SMPDL3A: variants seen among roughly 807,000 people sequenced by gnomAD.
The protein encoded by SMPDL3A is sphingomyelin phosphodiesterase acid like 3A.
SMPDL3A carries 39 observed loss-of-function variants against 38.5 expected under a neutral mutation model. That is an observed-to-expected ratio of 1.01 (90% confidence interval 0.78 to 1.32). SMPDL3A has a LOEUF of 1.32. SMPDL3A is among the 40% of genes most tolerant of loss of function. The pLI is 0.00. For synonymous variants in SMPDL3A, 180 were observed against 194.3 expected (o/e 0.93, Z 0.61); for missense variants, 502 against 536.2 (o/e 0.94, Z 0.63).
chr6:122,803,600 G>A, intron 4 of SMPDL3A, 64 bp from the exon 5 acceptor site: 1 of 1,239,024 alleles, frequency 8.1e-7, no homozygotes. Context: ...TCAGGAATTT[G>A]CTTTCACAAT....
intron 3 of SMPDL3A, 155 bp downstream of exon 3, chr6:122,797,123 G>A: frequency 1.9e-6 from 1 of 534,700 alleles, no homozygotes; most frequent in South Asian, 3.4e-5. Flanking sequence ...GCAAAGACAA[G>A]TACTTCGGGG....
chr6:122,791,844 C>T (rs1393450413), intron 1 of SMPDL3A, among the ~76,000 whole-genome samples: 1 of 152,184 alleles, frequency 6.6e-6, no homozygotes, highest in Non-Finnish European at 1.5e-5. Flanking sequence ...CAGGCGCCCG[C>T]CACCATGCCT....
At chr6:122,799,311 A>G (rs1781348810) in intron 3 of SMPDL3A, among the ~76,000 whole-genome samples, 1 of 152,214 alleles carries the variant, frequency 6.6e-6, no homozygotes, top group South Asian at 2.1e-4. Context: ...GTCACAGCCA[A>G]AAAGGACTGG....
At chr6:122,803,165 C>T (rs573880599) in intron 4 of SMPDL3A, among the ~76,000 whole-genome samples, 6 of 152,052 alleles carry the variant, frequency 3.9e-5, no homozygotes, top group African/African-American at 9.6e-5. Flanking sequence ...GGTTCAGAGG[C>T]GTGGGTGGAA....
chr6:122,795,996 T>C (rs1781237549), intron 2 of SMPDL3A, 106 bp downstream of exon 2: 2 of 830,532 alleles, frequency 2.4e-6, no homozygotes, highest in South Asian at 1.8e-5. Context: ...ATTTTAAGAG[T>C]TATTTGAGTT....
Position 122,809,448 on chromosome 6 carries a change from T to C in SMPDL3A, c.*40T>C. The C allele has an allele frequency of 2.8e-6, 4 of 1,411,844 alleles. No homozygotes were observed. The highest frequency in any genetic ancestry group is 3.9e-6 in the Non-Finnish European group (4 of 1,022,512). 87.5% of individuals were successfully genotyped at this position (1,411,844 alleles called of 1,614,324 possible). A position where few individuals can be genotyped will look rare whatever the true frequency, so the allele number is the denominator to read the frequency against. On this transcript the variant is annotated 3_prime_UTR_variant, in exon 8 of 8. Coordinates refer to ENST00000368440, the MANE Select transcript of SMPDL3A (RefSeq NM_006714.5). ...TGCTAATAGAAAATGCTGATTCTGATTCTGAGATCAATTTGTGGGAATTTT... is the reference window on the plus strand; with the variant it reads ...TGCTAATAGAAAATGCTGATTCTGACTCTGAGATCAATTTGTGGGAATTTT...
chr6:122,806,614 G>A lies in SMPDL3A; in HGVS notation c.1044+257G>A, dbSNP rs1008809524. On this transcript the variant is annotated intron_variant, in intron 7 of 7. Coordinates refer to ENST00000368440, the MANE Select transcript of SMPDL3A (RefSeq NM_006714.5). The stretch of plus-strand genomic sequence containing the variant: ...TTTATTTAGATGCTTTCATTGGTTA[G>A]TGCCATGTTTGTGGACTTGTATACG... Among the ~76,000 whole-genome samples the A allele has an allele frequency of 5.9e-5, 9 of 152,098 alleles. No homozygotes were observed. In the South Asian group the frequency reaches 6.2e-4, roughly 11 times the overall value.
rs1781782237 is a variant in SMPDL3A at position 122,809,588 on chromosome 6, T to C, written c.*180T>C. On this transcript the variant is annotated 3_prime_UTR_variant, in exon 8 of 8. Coordinates refer to ENST00000368440, the MANE Select transcript of SMPDL3A (RefSeq NM_006714.5). ...ATCTTTATCATTCTGAATTGTATTA[T>C]ATATTTAAAGTGCTCATTAATAGAA... The C allele has an allele frequency of 2.3e-5, 12 of 523,784 alleles. No individual in the cohort carries two copies. In the East Asian group the frequency reaches 3.7e-4, roughly 16 times the overall value. 32.4% of individuals were successfully genotyped at this position (523,784 alleles called of 1,614,324 possible).
intron 1 of SMPDL3A, among the ~76,000 whole-genome samples, chr6:122,791,883 C>T (rs1472001472): frequency 6.6e-6 from 1 of 152,070 alleles, no homozygotes; most frequent in South Asian, 2.1e-4. Context: ...TTAGTAGAGA[C>T]GGGGTTTCAC....
At chr6:122,795,647 A>T (rs1781220960) in intron 1 of SMPDL3A, 30 bp from the exon 2 acceptor site, 1 of 1,529,456 alleles carries the variant, frequency 6.5e-7, no homozygotes, top group Admixed American at 1.7e-5. Context: ...GAACAAGTAG[A>T]TTTATCTGCA....
chr6:122,793,250 T>G (rs1420046665), intron 1 of SMPDL3A, among the ~76,000 whole-genome samples: 2 of 152,204 alleles, frequency 1.3e-5, no homozygotes, highest in Non-Finnish European at 2.9e-5. Flanking sequence ...TCCATACACC[T>G]TCTAAGGGCT....
chr6:122,791,345 GGA>G (rs1416064807), intron 1 of SMPDL3A, among the ~76,000 whole-genome samples: 1 of 152,050 alleles, frequency 6.6e-6, no homozygotes, highest in Admixed American at 6.6e-5. Context: ...GGCCTGAGAA[GGA>G]CTCCTTACTT....
chr6:122,805,680 C>A (rs536799768), intron 6 of SMPDL3A, among the ~76,000 whole-genome samples: 2 of 152,142 alleles, frequency 1.3e-5, no homozygotes, highest in African/African-American at 2.4e-5. Flanking sequence ...CTGGAGCGCA[C>A]CCTGCGATCT....
chr6:122,790,931 GGTTACTGGAGTTCAGTGGTCTGAAGT>G (rs1424975158), intron 1 of SMPDL3A, among the ~76,000 whole-genome samples: 1 of 152,146 alleles, frequency 6.6e-6, no homozygotes, highest in African/African-American at 2.4e-5. Flanking sequence ...AAGGAAGAGG[GGTTACTGGAGTTCAGTGGTCTGAAGT>G]GTTACTGGAG....
intron 4 of SMPDL3A, 24 bp downstream of exon 4, chr6:122,801,430 C>T: frequency 6.8e-7 from 1 of 1,467,812 alleles, no homozygotes; most frequent in Non-Finnish European, 9.5e-7. Context: ...TTAGTTATTC[C>T]TATTTTGCCT....
chr6:122,797,215 T>C, intron 3 of SMPDL3A: 1 of 362,552 alleles, frequency 2.8e-6, no homozygotes, highest in Non-Finnish European at 4.9e-6. Context: ...AGTTTGTGGA[T>C]GATTAATTTA....
chr6:122,801,927 C>T (rs1007625892), intron 4 of SMPDL3A, among the ~76,000 whole-genome samples: 1 of 152,110 alleles, frequency 6.6e-6, no homozygotes, highest in Non-Finnish European at 1.5e-5. Flanking sequence ...TTATGTAAAT[C>T]CCTGACATTT....
In SMPDL3A at chr6:122,803,789, T is replaced by C. The variant is rs1436709323; in HGVS notation, c.694T>C (p.Trp232Arg). Residue 232 changes from tryptophan (W) to arginine (R), a missense_variant, in exon 5 of 8, where the codon TGG becomes CGG. Trp to Arg is a moderately radical substitution (Grantham distance 101). Transcript: ENST00000368440. ...GACTGACCCAGCCAACCAGTTTGAA[T>C]GGCTAGAAAGTACATTGAACAACTC... ...NKTDPANQFE[W>R]LESTLNNSQQ... The C allele has an allele frequency of 6.2e-7, 1 of 1,613,960 alleles. No individual in the cohort carries two copies. The highest frequency in any genetic ancestry group is 1.3e-5 in the African/African-American group (1 of 74,912).
At chr6:122,803,943 T>G (rs982212703) in intron 5 of SMPDL3A, 110 bp downstream of exon 5, 1 of 880,076 alleles carries the variant, frequency 1.1e-6, no homozygotes, top group Admixed American at 2.7e-5. Flanking sequence ...AATTTGAAGA[T>G]TTTTTTTGCA....
Sources: allele counts gnomAD v4.1 joint callset (sites outside exome capture counted in the v4.1 genomes callset), GRCh38; gene constraint gnomAD v4.1.1; transcripts MANE v1.5; gene names NCBI Gene and HGNC (gene_info 2026-07-23, HGNC 2026-07-21).